DNER: variants seen among roughly 807,000 people sequenced by gnomAD.
The protein encoded by DNER is delta and Notch-like epidermal growth factor-related receptor.
Under a neutral mutation model 78.2 loss-of-function variants are expected in DNER, and 33 were observed. The observed-to-expected ratio is 0.42, with a 90% CI of 0.32 to 0.56. The LOEUF (loss-of-function observed/expected upper bound fraction) is 0.56. DNER is among the 20% of genes least tolerant of loss of function. The pLI, the probability that DNER is intolerant of heterozygous loss-of-function variation, is 0.11. For missense variants in DNER, 918 were observed against 975.3 expected, an observed-to-expected ratio of 0.94 and a Z score of 0.78; for synonymous variants, 417 against 384.8, an observed-to-expected ratio of 1.08 and a Z score of -0.98.
intron 7 of DNER, among the ~76,000 whole-genome samples, chr2:229,471,793 C>G (rs1376041661): frequency 6.6e-6 from 1 of 152,220 alleles, no homozygotes; most frequent in Non-Finnish European, 1.5e-5. Flanking sequence ...ACGAGTGTTA[C>G]TCTACTTTAT....
At chr2:229,645,991 T>G (rs1405161260) in intron 1 of DNER, among the ~76,000 whole-genome samples, 1 of 152,214 alleles carries the variant, frequency 6.6e-6, no homozygotes, top group African/African-American at 2.4e-5. Flanking sequence ...GGGGAATCTA[T>G]TCCTTCAGCC....
chr2:229,533,887 C>T (rs1696354298), intron 5 of DNER, among the ~76,000 whole-genome samples: 2 of 152,218 alleles, frequency 1.3e-5, no homozygotes, highest in South Asian at 2.1e-4. Context: ...AACTTTTATA[C>T]AAGCTTGACA....
At chr2:229,504,704 C>G (rs1220454563) in intron 6 of DNER, among the ~76,000 whole-genome samples, 1 of 152,172 alleles carries the variant, frequency 6.6e-6, no homozygotes, top group Non-Finnish European at 1.5e-5. Flanking sequence ...TTAAACCATG[C>G]ATTTGTGACA....
intron 5 of DNER, among the ~76,000 whole-genome samples, chr2:229,538,818 C>T (rs1276673682): frequency 3.3e-5 from 5 of 152,192 alleles, no homozygotes; most frequent in East Asian, 3.8e-4. Context: ...GGATTACAGG[C>T]GTGAGCCCCC....
At chr2:229,382,369 A>G (rs573264813) in intron 11 of DNER, among the ~76,000 whole-genome samples, 60 of 152,274 alleles carry the variant, frequency 3.9e-4, no homozygotes, top group Admixed American at 4.6e-4. Flanking sequence ...CCTCCAAAGG[A>G]TCACAACTTC....
chr2:229,593,226 T>G (rs577394436), intron 1 of DNER, among the ~76,000 whole-genome samples: 1 of 152,124 alleles, frequency 6.6e-6, no homozygotes, highest in Admixed American at 6.5e-5. Flanking sequence ...AAAGCTCTTT[T>G]TGGTCAGGCC....
chr2:229,649,054 A>G (rs567853439), intron 1 of DNER, among the ~76,000 whole-genome samples: 15 of 152,328 alleles, frequency 9.8e-5, no homozygotes, highest in African/African-American at 3.1e-4. Flanking sequence ...TTAACAGGTC[A>G]CTGACCCTTG....
intron 1 of DNER, among the ~76,000 whole-genome samples, chr2:229,661,156 T>C (rs889892211): frequency 7.9e-5 from 12 of 152,178 alleles, no homozygotes; most frequent in Non-Finnish European, 1.8e-4. Flanking sequence ...GCAATAAATA[T>C]TTGAAAAAAT....
intron 1 of DNER, among the ~76,000 whole-genome samples, chr2:229,712,026 T>TGGA (rs1424882968): frequency 1.1e-3 from 168 of 152,334 alleles, no homozygotes; most frequent in African/African-American, 3.6e-3. Context: ...AGTAAGTTTT[T>TGGA]CTGGGTAACC....
chr2:229,658,373 T>A (rs1190234932), intron 1 of DNER, among the ~76,000 whole-genome samples: 3 of 152,228 alleles, frequency 2.0e-5, no homozygotes, highest in Non-Finnish European at 4.4e-5. Flanking sequence ...CAAGTGTTAA[T>A]GAACATGTCC....
chr2:229,638,536 T>C (rs1698564808), intron 1 of DNER, among the ~76,000 whole-genome samples: 1 of 152,156 alleles, frequency 6.6e-6, no homozygotes, highest in African/African-American at 2.4e-5. Flanking sequence ...CAAATCTCCT[T>C]TTCAACCTGC....
At position 229,714,268 on chromosome 2, in the gene DNER, G is replaced by A; in HGVS notation, c.156C>T (p.Pro52=). 7.2e-7 allele frequency: 1 copy of A among 1,391,638 alleles called. No individual in the cohort carries two copies. Among genetic ancestry groups the A allele is most frequent in the South Asian group, 1.6e-5 (1 of 63,786 alleles). 86.2% of individuals were successfully genotyped at this position (1,391,638 alleles called of 1,614,324 possible). The change falls in exon 1 of 13, where the codon CCC becomes CCT. Residue 52 remains proline (P), a synonymous_variant. Coordinates refer to ENST00000341772, the MANE Select transcript of DNER (RefSeq NM_139072.4). ...AGGTGCACACACCCCCATTCCGGCAGGGCTGCGCGGCGCACGGCCCGGGCG... is the reference window on the plus strand; with the variant it reads ...AGGTGCACACACCCCCATTCCGGCAAGGCTGCGCGGCGCACGGCCCGGGCG... ...LSAPGPCAAQ[P]CRNGGVCTSR...
intron 1 of DNER, among the ~76,000 whole-genome samples, chr2:229,606,055 T>C (rs940494399): frequency 1.3e-5 from 2 of 152,184 alleles, no homozygotes; most frequent in African/African-American, 4.8e-5. Context: ...TTAAAAATGC[T>C]TTCATTTGGA....
At chr2:229,618,863 A>G (rs578159865) in intron 1 of DNER, among the ~76,000 whole-genome samples, 19 of 152,298 alleles carry the variant, frequency 1.2e-4, no homozygotes, top group African/African-American at 4.6e-4. Context: ...ATAGCTGAAC[A>G]CACAGTGGCT....
At chr2:229,441,752 T>C (rs1246346599) in intron 8 of DNER, among the ~76,000 whole-genome samples, 1 of 152,216 alleles carries the variant, frequency 6.6e-6, no homozygotes, top group African/African-American at 2.4e-5. Flanking sequence ...GACTCTATCA[T>C]AGCCTCTGAA....
rs150417576 is a variant in DNER, at chr2:229,547,050, C to T, written c.890G>A (p.Arg297His). ...GCTGACCTTCACCACCAGAGTTAAG[C>T]GCAAAGCCACAATAGACTTAGTCAC... Reference protein sequence around the residue: ...DSVTKSIVALRLTLVVKVSTC... With the variant: ...DSVTKSIVALHLTLVVKVSTC... The change falls in exon 5 of 13, where the codon CGC becomes CAC. Residue 297 changes from arginine to histidine, a missense_variant. By Grantham distance (29) the Arg-to-His change is conservative (BLOSUM62 0). Coordinates refer to ENST00000341772, the MANE Select transcript of DNER (RefSeq NM_139072.4). The T allele has an allele frequency of 5.0e-6, 8 of 1,614,026 alleles. No individual in the cohort carries two copies. In the African/African-American group the frequency reaches 5.3e-5, roughly 11 times the overall value.
chr2:229,698,775 T>C lies in DNER; in HGVS notation c.276+15373A>G, dbSNP rs141173441. Among the ~76,000 whole-genome samples, 655 of 152,292 alleles carry C rather than the reference T, an allele frequency of 4.3e-3. 2 individuals are homozygous for C. Among genetic ancestry groups the C allele is most frequent in the East Asian group, 0.021 (110 of 5,182 alleles). ...ACTTCTCTCCAGCTAAAGGTTTATT[T>C]GGGGCCTCATAGAAATGCTAATATT... is the stretch of plus-strand genomic sequence containing the variant. On this transcript the variant is annotated intron_variant, in intron 1 of 12. Coordinates refer to ENST00000341772, the MANE Select transcript of DNER (RefSeq NM_139072.4).
chr2:229,520,169 G>A (rs1341245842), intron 5 of DNER, among the ~76,000 whole-genome samples: 2 of 152,178 alleles, frequency 1.3e-5, no homozygotes, highest in Non-Finnish European at 1.5e-5. Flanking sequence ...AGGCTGCTTA[G>A]CAGTAGTCTT....
Position 229,714,084 on chromosome 2 carries a change from C to A in DNER, c.276+64G>T. 7 of 1,236,888 alleles carry A rather than the reference C, an allele frequency of 5.7e-6. No individual in the cohort carries two copies. In the South Asian group the frequency reaches 2.2e-4, roughly 40 times the overall value. 76.6% of individuals were successfully genotyped at this position (1,236,888 alleles called of 1,614,324 possible). A position where few individuals can be genotyped will look rare whatever the true frequency, so the allele number is the denominator to read the frequency against. ...CCATTGTCGGGCAGCAGCAGCAGGG[C>A]CGGCGGGAAGAGGCTGCTGGTCCCG... On this transcript the variant is annotated intron_variant, in intron 1 of 12. Transcript: ENST00000341772.
Sources: gnomAD v4.1 joint callset for allele counts (sites outside exome capture counted in the v4.1 genomes callset) on GRCh38, gnomAD v4.1.1 for gene constraint, MANE v1.5 for transcripts, NCBI Gene and HGNC (gene_info 2026-07-23, HGNC 2026-07-21) for gene names.